The following EGLN3 variants were observed in gnomAD, a reference collection of about 807,000 sequenced individuals.
The protein encoded by EGLN3 is prolyl hydroxylase EGLN3.
Under a neutral mutation model 26.0 loss-of-function variants are expected in EGLN3, and 15 were observed. The ratio of observed to expected loss-of-function variants is 0.58; its 90% CI spans 0.39 to 0.89. The LOEUF is 0.89. Ranked by LOEUF, EGLN3 falls within the 40% of genes least tolerant of loss-of-function variation. The pLI, the probability that EGLN3 is intolerant of heterozygous loss-of-function variation, is 0.00. For synonymous variants in EGLN3, 147 were observed against 127.2 expected, an observed-to-expected ratio of 1.16 and a Z score of -1.05; for missense variants, 238 against 311.6, an observed-to-expected ratio of 0.76 and a Z score of 1.78.
At chr14:33,940,942 T>C (rs977626538) in intron 1 of EGLN3, among the ~76,000 whole-genome samples, 9 of 152,084 alleles carry the variant, frequency 5.9e-5, no homozygotes, top group East Asian at 3.8e-4. Flanking sequence ...AGCGCTGGGG[T>C]TGAATGTCGG....
chr14:33,929,292 A>G, intron 2 of EGLN3, 80 bp from the exon 3 acceptor site: 4 of 1,543,166 alleles, frequency 2.6e-6, no homozygotes, highest in Non-Finnish European at 1.8e-6. Context: ...CCATTTAGAA[A>G]CATGCCATCT....
At chr14:33,943,946 A>C (rs1422071652) in intron 1 of EGLN3, among the ~76,000 whole-genome samples, 1 of 152,158 alleles carries the variant, frequency 6.6e-6, no homozygotes, top group Non-Finnish European at 1.5e-5. Context: ...ATACTCCAAA[A>C]CCTTATGCAG....
chr14:33,938,842 C>T (rs989369650), intron 1 of EGLN3, among the ~76,000 whole-genome samples: 1 of 152,198 alleles, frequency 6.6e-6, no homozygotes, highest in African/African-American at 2.4e-5. Flanking sequence ...TCACACCGCT[C>T]CAAGTCCTTG....
chr14:33,927,193 T>TTTA (rs1234551753), intron 3 of EGLN3, among the ~76,000 whole-genome samples, 160 bp from the exon 4 acceptor site: 4 of 34,228 alleles, frequency 1.2e-4, no homozygotes, highest in East Asian at 2.4e-3. Flanking sequence ...TTATTTATTT[T>TTTA]TTGAGATGGA....
At chr14:33,941,501 G>A (rs1249948633) in intron 1 of EGLN3, among the ~76,000 whole-genome samples, 3 of 151,810 alleles carry the variant, frequency 2.0e-5, no homozygotes, top group East Asian at 3.9e-4. Flanking sequence ...CTTAGGCATC[G>A]AATTAGAGAC....
Position 33,925,752 on chromosome 14 carries a change from C to T in EGLN3, c.*139G>A. The T allele has an allele frequency of 1.1e-6, 1 of 938,316 alleles. No homozygotes were observed. The highest frequency in any genetic ancestry group is 1.7e-6 in the Non-Finnish European group (1 of 601,902). 58.1% of individuals were successfully genotyped at this position (938,316 alleles called of 1,614,324 possible). A position where few individuals can be genotyped will look rare whatever the true frequency, so the allele number is the denominator to read the frequency against. ...GCAAGAAAACATGAAGTACCACACA[C>T]AAGACAGGGATGTGAAGGATGCAAG... On this transcript the variant is annotated 3_prime_UTR_variant, in exon 5 of 5. Coordinates refer to ENST00000250457, the MANE Select transcript of EGLN3 (RefSeq NM_022073.4).
At chr14:33,949,897 ACTCCAC>A in intron 1 of EGLN3, 3 of 208,468 alleles carry the variant, frequency 1.4e-5, no homozygotes, top group East Asian at 1.2e-4. Flanking sequence ...CACCTGCCCA[ACTCCAC>A]AAACCAACTG....
Position 33,950,578 on chromosome 14 carries a change from C to G in EGLN3, c.175G>C (p.Gly59Arg), listed in dbSNP as rs768641384. 6.2e-7 allele frequency: 1 copy of G among 1,612,068 alleles called. No homozygotes were observed. The highest frequency in any genetic ancestry group is 8.5e-7 in the Non-Finnish European group (1 of 1,179,060). ...CCGGCGCGCGGCCCCGCCAGCTGGCCGTCCCGCAGGGCCCCGGTGCAGTGC... is the reference window on the plus strand; with the variant it reads ...CCGGCGCGCGGCCCCGCCAGCTGGCGGTCCCGCAGGGCCCCGGTGCAGTGC... ...QLHCTGALRD[G>R]QLAGPRAGVS... The change falls in exon 1 of 5, where the codon GGC becomes CGC. Residue 59 changes from glycine to arginine, a missense_variant. Transcript: ENST00000250457.
At chr14:33,940,130 G>T (rs1367131064) in intron 1 of EGLN3, among the ~76,000 whole-genome samples, 1 of 152,176 alleles carries the variant, frequency 6.6e-6, no homozygotes. Flanking sequence ...GACCCTACTT[G>T]TCCAAGTCAT....
At chr14:33,943,448 T>A (rs1277234194) in intron 1 of EGLN3, among the ~76,000 whole-genome samples, 3 of 152,214 alleles carry the variant, frequency 2.0e-5, no homozygotes, top group Non-Finnish European at 4.4e-5. Flanking sequence ...CTTAGAGCAA[T>A]ATCACTTAAC....
rs1278591467 is a variant in EGLN3, at chr14:33,950,597, G to A, written c.156C>T (p.Cys52=). 6.2e-7 allele frequency: 1 copy of A among 1,613,506 alleles called. No individual in the cohort carries two copies. Among genetic ancestry groups the A allele is most frequent in the Non-Finnish European group, 8.5e-7 (1 of 1,179,856 alleles). Residue 52 remains cysteine (C), a synonymous_variant, in exon 1 of 5, where the codon TGC becomes TGT. Coordinates refer to ENST00000250457, the MANE Select transcript of EGLN3 (RefSeq NM_022073.4). The part of the protein sequence containing the change: ...CVLERVKQLH[C]TGALRDGQLA... ...GCTGGCCGTCCCGCAGGGCCCCGGT[G>A]CAGTGCAGCTGCTTGACGCGCTCCA...
chr14:33,931,230 C>A lies in EGLN3; in HGVS notation c.358-15G>T. On this transcript the variant is annotated splice_polypyrimidine_tract_variant and intron_variant, in intron 1 of 4. Coordinates refer to ENST00000250457, the MANE Select transcript of EGLN3 (RefSeq NM_022073.4). ...GCCACCATTGCCTATGGAGAAATCCCAAGAAAGCTGGTTAACAAAGCTGAG... is the reference window on the plus strand; with the variant it reads ...GCCACCATTGCCTATGGAGAAATCCAAAGAAAGCTGGTTAACAAAGCTGAG... The A allele has an allele frequency of 1.9e-6, 3 of 1,614,042 alleles. No individual in the cohort carries two copies. Among genetic ancestry groups the A allele is most frequent in the Non-Finnish European group, 2.5e-6 (3 of 1,179,938 alleles).
At chr14:33,937,144 A>G (rs1365780111) in intron 1 of EGLN3, among the ~76,000 whole-genome samples, 1 of 152,222 alleles carries the variant, frequency 6.6e-6, no homozygotes, top group African/African-American at 2.4e-5. Context: ...GTCACTGCAA[A>G]AGTTCACATT....
chr14:33,935,343 G>T (rs943393789), intron 1 of EGLN3, among the ~76,000 whole-genome samples: 1 of 152,050 alleles, frequency 6.6e-6, no homozygotes, highest in Non-Finnish European at 1.5e-5. Flanking sequence ...TTGTAGTTTT[G>T]AACCCAGGAC....
chr14:33,939,366 A>G (rs1020383415), intron 1 of EGLN3, among the ~76,000 whole-genome samples: 12 of 151,926 alleles, frequency 7.9e-5, no homozygotes, highest in Non-Finnish European at 1.5e-4. Flanking sequence ...GCCCGCCACC[A>G]CGCCCGGCTA....
chr14:33,926,979 C>T lies in EGLN3; in HGVS notation c.669G>A (p.Lys223=). ...FDAEERAEAK[K]KFRNLTRKTE... ...ACATACTAGTTAAATTCCTGAATTT[C>T]TTTTTGGCTTCTGCCCTTTCTTCAG... Residue 223 remains lysine (K), a synonymous_variant, in exon 4 of 5, where the codon AAG becomes AAA. Transcript: ENST00000250457. The T allele has an allele frequency of 6.2e-7, 1 of 1,606,972 alleles. No individual in the cohort carries two copies. The highest frequency in any genetic ancestry group is 8.5e-7 in the Non-Finnish European group (1 of 1,176,642).
chr14:33,941,213 A>G (rs925187175), intron 1 of EGLN3, among the ~76,000 whole-genome samples: 1 of 152,152 alleles, frequency 6.6e-6, no homozygotes, highest in African/African-American at 2.4e-5. Flanking sequence ...CAAAAATGAA[A>G]ACAAGTATCT....
chr14:33,934,671 G>A (rs2064428089), intron 1 of EGLN3, among the ~76,000 whole-genome samples: 1 of 152,170 alleles, frequency 6.6e-6, no homozygotes. Flanking sequence ...AGACCCACAG[G>A]TGAGAAGGGG....
intron 1 of EGLN3, among the ~76,000 whole-genome samples, chr14:33,931,740 G>A (rs577850936): frequency 2.0e-5 from 3 of 152,296 alleles, no homozygotes; most frequent in South Asian, 4.1e-4. Flanking sequence ...TCAATAAAAT[G>A]CTCAGGATAG....
Sources: gnomAD v4.1 joint callset for allele counts (sites outside exome capture counted in the v4.1 genomes callset) on GRCh38, gnomAD v4.1.1 for gene constraint, MANE v1.5 for transcripts, NCBI Gene and HGNC (gene_info 2026-07-23, HGNC 2026-07-21) for gene names.